PHACTR3: variants seen among roughly 807,000 people sequenced by gnomAD.
PHACTR3 encodes the protein protein phosphatase 1, regulatory subunit 123.
PHACTR3 carries 16 observed loss-of-function variants against 66.8 expected under a neutral mutation model. The ratio of observed to expected loss-of-function variants is 0.24; its 90% CI spans 0.16 to 0.36. PHACTR3 has a LOEUF of 0.36. PHACTR3 is among the 10% of genes least tolerant of loss of function. The pLI is 1.00. For synonymous variants in PHACTR3, 323 were observed against 292.1 expected (o/e 1.11, Z -1.08); for missense variants, 647 against 719.9 (o/e 0.90, Z 1.16).
At chr20:59,703,456 G>A (rs1371347542) in intron 1 of PHACTR3, among the ~76,000 whole-genome samples, 1 of 152,148 alleles carries the variant, frequency 6.6e-6, no homozygotes, top group Admixed American at 6.5e-5. Flanking sequence ...AACCAGCCCA[G>A]GGGAAACCTA....
chr20:59,763,132 C>T (rs1045619871), intron 4 of PHACTR3, among the ~76,000 whole-genome samples: 1 of 152,190 alleles, frequency 6.6e-6, no homozygotes, highest in Non-Finnish European at 1.5e-5. Context: ...GGGCAGTTTC[C>T]TCCATGCTAT....
intron 1 of PHACTR3, among the ~76,000 whole-genome samples, chr20:59,680,662 AT>A (rs140232182): frequency 2.8e-4 from 42 of 148,512 alleles, no homozygotes; most frequent in South Asian, 4.3e-4. Context: ...GTGTTATGAG[AT>A]TTTTTTTTTT....
At chr20:59,782,189 T>C (rs1008779561) in intron 7 of PHACTR3, among the ~76,000 whole-genome samples, 3 of 152,192 alleles carry the variant, frequency 2.0e-5, no homozygotes, top group African/African-American at 7.2e-5. Context: ...AAAACATACC[T>C]GAGACTGGGT....
At chr20:59,595,335 G>A (rs1377807103) in intron 1 of PHACTR3, among the ~76,000 whole-genome samples, 3 of 152,140 alleles carry the variant, frequency 2.0e-5, no homozygotes, top group Non-Finnish European at 2.9e-5. Context: ...GGTGGTGCAC[G>A]CCTGTAGTCC....
rs11477768 is a variant in PHACTR3 at position 59,604,877 on chromosome 20, C to CTTTTTTTTTTTTTT, written c.-129_-116dup. On this transcript the variant is annotated 5_prime_UTR_variant, in exon 1 of 13. Coordinates refer to ENST00000371015, the MANE Select transcript of PHACTR3 (RefSeq NM_080672.5). ...TCTCCAGCTCGTTTCCTTTCCCGGC[C>CTTTTTTTTTTTTTT]TTTTTTTTTTTTTTTTTTTTTTAAT... 331 of 978,442 alleles carry CTTTTTTTTTTTTTT rather than the reference C, an allele frequency of 3.4e-4. No individual in the cohort carries two copies. The highest frequency in any genetic ancestry group is 2.1e-3 in the Admixed American group (31 of 14,686). 60.6% of individuals were successfully genotyped at this position (978,442 alleles called of 1,614,324 possible).
At chr20:59,750,387 G>C (rs2039535506) in intron 3 of PHACTR3, among the ~76,000 whole-genome samples, 2 of 152,160 alleles carry the variant, frequency 1.3e-5, no homozygotes, top group South Asian at 2.1e-4. Flanking sequence ...AGGCAGCAGT[G>C]CTTCCTCATC....
At chr20:59,666,202 C>T (rs2035980672) in intron 1 of PHACTR3, among the ~76,000 whole-genome samples, 1 of 152,150 alleles carries the variant, frequency 6.6e-6, no homozygotes, top group Non-Finnish European at 1.5e-5. Flanking sequence ...TGTGAAGGCA[C>T]CCCATGGGGT....
At chr20:59,679,158 G>A (rs1361289089) in intron 1 of PHACTR3, among the ~76,000 whole-genome samples, 2 of 152,172 alleles carry the variant, frequency 1.3e-5, no homozygotes, top group African/African-American at 4.8e-5. Context: ...CAGTTGTTGT[G>A]TATCCTGTCC....
chr20:59,681,353 G>T (rs1017957899), intron 1 of PHACTR3, among the ~76,000 whole-genome samples: 2 of 151,430 alleles, frequency 1.3e-5, no homozygotes, highest in African/African-American at 2.4e-5. Context: ...ACATGTGATT[G>T]TTCATTGTAC....
intron 9 of PHACTR3, among the ~76,000 whole-genome samples, chr20:59,837,562 CTT>C (rs1046208473): frequency 5.9e-5 from 9 of 152,154 alleles, no homozygotes; most frequent in African/African-American, 1.9e-4. Context: ...ACTTTTTAAA[CTT>C]AAGATATAGT....
At chr20:59,583,695 T>C (rs2146301592) in intron 1 of PHACTR3, among the ~76,000 whole-genome samples, 1 of 152,330 alleles carries the variant, frequency 6.6e-6, no homozygotes, top group East Asian at 1.9e-4. Context: ...AACGGTACAC[T>C]TCCCTTGCAT....
intron 4 of PHACTR3, among the ~76,000 whole-genome samples, chr20:59,757,631 C>A (rs1274719565): frequency 2.0e-5 from 3 of 152,106 alleles, no homozygotes; most frequent in South Asian, 4.1e-4. Context: ...AAGGGTGGGG[C>A]TCTTGTCGGT....
At chr20:59,694,682 C>T (rs997813676) in intron 1 of PHACTR3, among the ~76,000 whole-genome samples, 1 of 152,168 alleles carries the variant, frequency 6.6e-6, no homozygotes, top group African/African-American at 2.4e-5. Context: ...GTAATAGTAG[C>T]ACCTACCTGG....
chr20:59,616,562 G>A (rs187247052), intron 1 of PHACTR3, among the ~76,000 whole-genome samples: 168 of 152,350 alleles, frequency 1.1e-3, no homozygotes, highest in Non-Finnish European at 1.3e-3. Context: ...TAGTGGGGGA[G>A]CTGGCTTGAG....
In PHACTR3 at chr20:59,592,672, C is replaced by G. The variant is rs962482901; in HGVS notation, c.109+15055C>G. Among the ~76,000 whole-genome samples, 14 of 152,354 alleles carry G rather than the reference C, an allele frequency of 9.2e-5. 1 individual carries two copies. Among genetic ancestry groups the G allele is most frequent in the Middle Eastern group, 6.8e-3 (2 of 294 alleles). On this transcript the variant is annotated intron_variant, in intron 1 of 12. Transcript: ENST00000359926. Reference sequence around the variant, plus strand: ...TTCCTCTCTTCCTTCTCTGCAACCCCTGGCATCCACTCATCTTTTTATTGT... The same window carrying G: ...TTCCTCTCTTCCTTCTCTGCAACCCGTGGCATCCACTCATCTTTTTATTGT...
chr20:59,772,130 G>A (rs2040382187), intron 5 of PHACTR3, among the ~76,000 whole-genome samples: 1 of 152,178 alleles, frequency 6.6e-6, no homozygotes, highest in South Asian at 2.1e-4. Context: ...CTGGGAAATG[G>A]CAGATCAAGA....
chr20:59,587,293 G>A (rs1318815628), intron 1 of PHACTR3, among the ~76,000 whole-genome samples: 1 of 152,254 alleles, frequency 6.6e-6, no homozygotes, highest in East Asian at 1.9e-4. Flanking sequence ...GGGTGGAGGA[G>A]ATGCAGGTTG....
At chr20:59,763,028 C>T (rs978156557) in intron 4 of PHACTR3, among the ~76,000 whole-genome samples, 1 of 152,128 alleles carries the variant, frequency 6.6e-6, no homozygotes, top group Non-Finnish European at 1.5e-5. Flanking sequence ...GCTGTGTCCC[C>T]ACCCAAAATC....
intron 1 of PHACTR3, among the ~76,000 whole-genome samples, chr20:59,618,217 C>A (rs984320160): frequency 3.9e-5 from 6 of 152,050 alleles, no homozygotes; most frequent in African/African-American, 1.4e-4. Flanking sequence ...AGGAGTATGG[C>A]GGGATGGGGC....
Sources: allele counts gnomAD v4.1 joint callset (sites outside exome capture counted in the v4.1 genomes callset), GRCh38; gene constraint gnomAD v4.1.1; transcripts MANE v1.5; gene names NCBI Gene and HGNC (gene_info 2026-07-23, HGNC 2026-07-21).